The following TMEM237 variants were observed in gnomAD, a reference collection of about 807,000 sequenced individuals.
The protein encoded by TMEM237 is amyotrophic lateral sclerosis 2 (juvenile) chromosome region, candidate 4.
Under a neutral mutation model 59.1 loss-of-function variants are expected in TMEM237, and 51 were observed. The observed-to-expected ratio is 0.86, with a 90% confidence interval of 0.69 to 1.09. The LOEUF (loss-of-function observed/expected upper bound fraction) is 1.09. Among genes scored for constraint, TMEM237 ranks in the 50% least tolerant of loss-of-function variants. The pLI is 0.00. For synonymous variants in TMEM237, 140 were observed against 166.1 expected, an observed-to-expected ratio of 0.84 and a Z score of 1.21; for missense variants, 475 against 478.3, an observed-to-expected ratio of 0.99 and a Z score of 0.06.
chr2:201,638,767 C>T (rs2105903373), intron 4 of TMEM237: 1 of 558,102 alleles, frequency 1.8e-6, no homozygotes, highest in South Asian at 2.5e-5. Flanking sequence ...ATGGCACCAC[C>T]TTCTATTCCA....
chr2:201,629,434 G>C lies in TMEM237; in HGVS notation c.678-13C>G. The stretch of plus-strand genomic sequence containing the variant: ...GAGACCAATCATCCTGAATGGAAAA[G>C]GGTTTGATTATTATACATGAATTAC... On this transcript the variant is annotated splice_polypyrimidine_tract_variant and intron_variant, in intron 8 of 12. Transcript: ENST00000409883. 1 of 1,530,586 alleles carries C rather than the reference G, an allele frequency of 6.5e-7. No individual in the cohort carries two copies. 94.8% of individuals were successfully genotyped at this position (1,530,586 alleles called of 1,614,324 possible).
Position 201,642,581 on chromosome 2 carries a change from C to A in TMEM237, c.42+778G>T, listed in dbSNP as rs373945879. The A allele has an allele frequency of 5.6e-6, 9 of 1,602,506 alleles. No individual in the cohort carries two copies. In the African/African-American group the frequency reaches 1.1e-4, roughly 19 times the overall value. On this transcript the variant is annotated intron_variant, in intron 1 of 12. Coordinates refer to ENST00000409883, the MANE Select transcript of TMEM237 (RefSeq NM_001044385.3). ...GCTCAACTGAAGACAAAAATCCTAA[C>A]AATTAAAAGTAGCTAAGGCTCGCTT...
At chr2:201,638,912 C>G in intron 4 of TMEM237, 77 bp downstream of exon 4, 1 of 1,396,494 alleles carries the variant, frequency 7.2e-7, no homozygotes, top group Non-Finnish European at 9.8e-7. Flanking sequence ...CCTTAATTCT[C>G]CCTTATCTGT....
chr2:201,643,417 G>C lies in TMEM237; in HGVS notation c.-17C>G, dbSNP rs770809941. ...AGTCCTCATGGTGCTCTCCCCGCGG[G>C]GCTGCCCCGGCGCAACCGCCGGCGG... On this transcript the variant is annotated 5_prime_UTR_variant, in exon 1 of 13. Transcript: ENST00000409883. The surrounding 1 kb of genome is among the most constrained non-coding windows in gnomAD (Gnocchi z 4.3). 1 of 1,497,814 alleles carries C rather than the reference G, an allele frequency of 6.7e-7. No individual in the cohort carries two copies. The highest frequency in any genetic ancestry group is 1.3e-5 in the South Asian group (1 of 79,182). The allele number at this position is 1,497,814 out of a possible 1,614,324, so 92.8% of individuals were successfully genotyped here. A position where few individuals can be genotyped will look rare whatever the true frequency, so the allele number is the denominator to read the frequency against.
In TMEM237 at chr2:201,640,269, A is replaced by G. The variant is rs763520106; in HGVS notation, c.75-4T>C. 1.3e-6 allele frequency: 2 copies of G among 1,556,370 alleles called. No individual in the cohort carries two copies. Among genetic ancestry groups the G allele is most frequent in the Middle Eastern group, 3.4e-4 (2 of 5,924 alleles). On this transcript the variant is annotated splice_polypyrimidine_tract_variant and splice_region_variant and intron_variant, in intron 2 of 12. Coordinates refer to ENST00000409883, the MANE Select transcript of TMEM237 (RefSeq NM_001044385.3). ...ACATTAAACTAACTCACCTTGACTA[A>G]CACGTCATATAACACCAAACAAATT... is the stretch of plus-strand genomic sequence containing the variant.
At chr2:201,631,775 C>A (rs1031628555) in intron 7 of TMEM237, among the ~76,000 whole-genome samples, 1 of 152,032 alleles carries the variant, frequency 6.6e-6, no homozygotes, top group Non-Finnish European at 1.5e-5. Context: ...AGAATCTTTC[C>A]ATAAAATGAA....
rs1356719509 is a variant in TMEM237, at chr2:201,621,018, G to A, written c.*3237C>T. ...CATTATTTCAGATTTATACTATGTG[G>A]TGTGTTAATTACTGCACCCCATGAA... On this transcript the variant is annotated 3_prime_UTR_variant, in exon 13 of 13. Transcript: ENST00000409883. The A allele has an allele frequency of 2.0e-5, 3 of 152,124 alleles. No homozygotes were observed. Among genetic ancestry groups the A allele is most frequent in the East Asian group, 3.8e-4 (2 of 5,198 alleles). The allele number at this position is 152,124 out of a possible 1,614,324, so 9.4% of individuals were successfully genotyped here. A position where few individuals can be genotyped will look rare whatever the true frequency, so the allele number is the denominator to read the frequency against.
Position 201,622,929 on chromosome 2 carries a change from AT to A in TMEM237, c.*1325del, listed in dbSNP as rs1957723473. The A allele has an allele frequency of 1.3e-5, 2 of 157,022 alleles. No individual in the cohort carries two copies. Among genetic ancestry groups the A allele is most frequent in the African/African-American group, 4.8e-5 (2 of 41,702 alleles). 9.7% of individuals were successfully genotyped at this position (157,022 alleles called of 1,614,324 possible). ...TCCCTGAAGTTTGCTGACGGGGAAG[AT>A]TATGAACTCCTATACTGCCAGCTTA... is the stretch of plus-strand genomic sequence containing the variant. On this transcript the variant is annotated 3_prime_UTR_variant, in exon 13 of 13. Coordinates refer to ENST00000409883, the MANE Select transcript of TMEM237 (RefSeq NM_001044385.3).
chr2:201,629,772 A>G lies in TMEM237; in HGVS notation c.634T>C (p.Trp212Arg), dbSNP rs200467447. The G allele has an allele frequency of 3.3e-5, 53 of 1,613,674 alleles. No individual in the cohort carries two copies. In the African/African-American group the frequency reaches 6.5e-4, roughly 20 times the overall value. ...GTAAGTGCCACATCTCTGGTGGTCC[A>G]GGAAGGCTTCACGTCCATTGACACA... ...IDVSMDVKPS[W>R]TTRDVALTVH... Residue 212 changes from tryptophan to arginine, a missense_variant, in exon 8 of 13, where the codon TGG becomes CGG. By Grantham distance (101) the Trp-to-Arg change is moderately radical. Coordinates refer to ENST00000409883, the MANE Select transcript of TMEM237 (RefSeq NM_001044385.3).
In TMEM237 at chr2:201,633,433, T is replaced by C. The variant is rs1574582671; in HGVS notation, c.275-2A>G. 6.6e-7 allele frequency: 1 copy of C among 1,521,970 alleles called. No individual in the cohort carries two copies. The highest frequency in any genetic ancestry group is 8.8e-7 in the Non-Finnish European group (1 of 1,136,702). 94.3% of individuals were successfully genotyped at this position (1,521,970 alleles called of 1,614,324 possible). On this transcript the variant is annotated splice_acceptor_variant, in intron 5 of 12. Coordinates refer to ENST00000409883, the MANE Select transcript of TMEM237 (RefSeq NM_001044385.3). LOFTEE classifies it high-confidence loss of function. ...TTTGGGTGGAGGAAGTCTCCAATTCTGAAAACAAAATAAATTTAACTTTTC... is the reference window on the plus strand; with the variant it reads ...TTTGGGTGGAGGAAGTCTCCAATTCCGAAAACAAAATAAATTTAACTTTTC...
At chr2:201,626,693 C>G (rs914860251) in intron 11 of TMEM237, among the ~76,000 whole-genome samples, 2 of 152,194 alleles carry the variant, frequency 1.3e-5, no homozygotes, top group African/African-American at 4.8e-5. Context: ...TCTATCCCAG[C>G]TACTCACTCC....
At chr2:201,640,967 A>G in intron 1 of TMEM237, 43 bp from the exon 2 acceptor site, 8 of 1,572,276 alleles carry the variant, frequency 5.1e-6, no homozygotes, top group Non-Finnish European at 6.9e-6. Context: ...AAAAGCCTAG[A>G]GCATCTTTAC....
chr2:201,627,464 AT>A, intron 10 of TMEM237, 50 bp from the exon 11 acceptor site: 1 of 1,247,814 alleles, frequency 8.0e-7, no homozygotes, highest in Non-Finnish European at 1.1e-6. Context: ...AACCTGGTTT[AT>A]TTTGAATTTA....
chr2:201,627,311 G>A lies in TMEM237; in HGVS notation c.1037+10C>T. On this transcript the variant is annotated intron_variant, in intron 11 of 12. Coordinates refer to ENST00000409883, the MANE Select transcript of TMEM237 (RefSeq NM_001044385.3). ...CATTAACAATTGCTAATGTCATTGT[G>A]AATTCTTACCAGAGGCTACCATTAA... 6.3e-7 allele frequency: 1 copy of A among 1,587,768 alleles called. No individual in the cohort carries two copies. The highest frequency in any genetic ancestry group is 8.6e-7 in the Non-Finnish European group (1 of 1,162,336).
At position 201,641,001 on chromosome 2, in the gene TMEM237, T is replaced by G. The variant is rs1315855399; in HGVS notation, c.43-77A>C. 3 of 1,400,352 alleles carry G rather than the reference T, an allele frequency of 2.1e-6. No individual in the cohort carries two copies. The Admixed American group carries it at 6.4e-5, about 30-fold the overall frequency. 86.7% of individuals were successfully genotyped at this position (1,400,352 alleles called of 1,614,324 possible). On this transcript the variant is annotated intron_variant, in intron 1 of 12. Coordinates refer to ENST00000409883, the MANE Select transcript of TMEM237 (RefSeq NM_001044385.3). ...ACTTCAAATACCATCACGCTATTTTTTTTTTTTTGAGATGGTGTATTGCTG... is the reference window on the plus strand; with the variant it reads ...ACTTCAAATACCATCACGCTATTTTGTTTTTTTTGAGATGGTGTATTGCTG...
Position 201,633,416 on chromosome 2 carries a change from G to A in TMEM237, c.290C>T (p.Ser97Phe). 4 of 1,553,856 alleles carry A rather than the reference G, an allele frequency of 2.6e-6. No individual in the cohort carries two copies. In the South Asian group the frequency reaches 3.7e-5, roughly 14 times the overall value. The change falls in exon 6 of 13, where the codon TCC (serine) becomes TTC (phenylalanine). Residue 97 changes from serine (S) to phenylalanine (F), a missense_variant. Physicochemically the swap from Ser to Phe is radical, Grantham distance 155. Coordinates refer to ENST00000409883, the MANE Select transcript of TMEM237 (RefSeq NM_001044385.3). The stretch of plus-strand genomic sequence containing the variant: ...TGAACTAGATGACTTCTTTTGGGTG[G>A]AGGAAGTCTCCAATTCTGAAAACAA... Reference protein sequence around the residue: ...TRLPLELETSSTQKKSSSSSL... With the variant: ...TRLPLELETSFTQKKSSSSSL...
At chr2:201,634,644 T>C (rs926171898) in intron 5 of TMEM237, among the ~76,000 whole-genome samples, 51 of 152,360 alleles carry the variant, frequency 3.3e-4, no homozygotes, top group Admixed American at 8.5e-4. Context: ...GCACTTTTAA[T>C]GAAACTACAT....
Position 201,635,152 on chromosome 2 carries a change from A to G in TMEM237, c.274+1596T>C, listed in dbSNP as rs1406127345. On this transcript the variant is annotated intron_variant, in intron 5 of 12. Coordinates refer to ENST00000409883, the MANE Select transcript of TMEM237 (RefSeq NM_001044385.3). The surrounding 1 kb of genome is among the most constrained non-coding windows in gnomAD (Gnocchi z 4.5). ...CACTGTAACACTGCTATATTCTTCC[A>G]TTCTTTTTACTATGTAGATGTATGT... Among the ~76,000 whole-genome samples, 1 of 152,208 alleles carries G rather than the reference A, an allele frequency of 6.6e-6. No homozygotes were observed. The highest frequency in any genetic ancestry group is 1.5e-5 in the Non-Finnish European group (1 of 68,042).
intron 7 of TMEM237, chr2:201,630,858 T>C (rs748345756): frequency 5.9e-5 from 9 of 152,172 alleles, no homozygotes; most frequent in Admixed American, 5.9e-4. Flanking sequence ...AGGTTTCTTA[T>C]TGGCCAAGAA....
Sources: allele counts gnomAD v4.1 joint callset (sites outside exome capture counted in the v4.1 genomes callset), GRCh38; gene constraint gnomAD v4.1.1; non-coding constraint Gnocchi (gnomAD v3.1); transcripts MANE v1.5; gene names NCBI Gene and HGNC (gene_info 2026-07-23, HGNC 2026-07-21).